The following PTPRM variants were observed in gnomAD, a reference collection of about 807,000 sequenced individuals.
PTPRM encodes the protein protein tyrosine phosphatase receptor type M, also known as receptor-type tyrosine-protein phosphatase mu.
PTPRM carries 47 observed loss-of-function variants against 186.7 expected under a neutral mutation model. The ratio of observed to expected loss-of-function variants is 0.25; its 90% CI spans 0.20 to 0.32. The LOEUF (loss-of-function observed/expected upper bound fraction) is 0.32, where lower values mean the gene tolerates loss of function less well. Ranked by LOEUF, PTPRM falls within the 10% of genes least tolerant of loss-of-function variation. The probability of loss-of-function intolerance (pLI) is 1.00; values close to 1 mark genes in which losing one functional copy is unlikely to be tolerated. For missense variants in PTPRM, 1,494 were observed against 1,865.0 expected (o/e 0.80, Z 3.66); for synonymous variants, 668 against 674.9 (o/e 0.99, Z 0.16).
At chr18:7,606,909 G>A (rs770937333) in intron 1 of PTPRM, among the ~76,000 whole-genome samples, 4 of 152,104 alleles carry the variant, frequency 2.6e-5, no homozygotes, top group Non-Finnish European at 5.9e-5. Flanking sequence ...CTTGGCCATG[G>A]ATTTTCTACC....
chr18:8,328,381 AC>A (rs925103703), intron 22 of PTPRM, among the ~76,000 whole-genome samples: 3 of 152,212 alleles, frequency 2.0e-5, no homozygotes, highest in African/African-American at 7.2e-5. Flanking sequence ...AATTGAAAGA[AC>A]TTTTTTTTAA....
At position 8,004,305 on chromosome 18, in the gene PTPRM, T is replaced by C. The variant is rs543568698; in HGVS notation, c.1132+48891T>C. ...ACTGTAATTTTGCAATTCGTGGATCTAGCCTATGTTTTTATGTAAATTGTG... is the reference window on the plus strand; with the variant it reads ...ACTGTAATTTTGCAATTCGTGGATCCAGCCTATGTTTTTATGTAAATTGTG... On this transcript the variant is annotated intron_variant, in intron 7 of 32. Transcript: ENST00000580170. Among the ~76,000 whole-genome samples the C allele has an allele frequency of 2.0e-4, 30 of 152,304 alleles. No individual in the cohort carries two copies. In the South Asian group the frequency reaches 3.5e-3, roughly 18 times the overall value.
intron 2 of PTPRM, among the ~76,000 whole-genome samples, chr18:7,823,889 G>A (rs895137841): frequency 2.0e-5 from 3 of 152,032 alleles, no homozygotes; most frequent in Non-Finnish European, 4.4e-5. Flanking sequence ...CCCTTCATCT[G>A]TACATCTATC....
intron 1 of PTPRM, among the ~76,000 whole-genome samples, chr18:7,580,207 A>G (rs928340192): frequency 3.3e-5 from 5 of 152,224 alleles, no homozygotes; most frequent in African/African-American, 1.2e-4. Flanking sequence ...GTCAGATGGC[A>G]CAGCAAAAGA....
chr18:7,579,316 A>G (rs141157383), intron 1 of PTPRM, among the ~76,000 whole-genome samples: 120 of 152,304 alleles, frequency 7.9e-4, no homozygotes, highest in Middle Eastern at 3.4e-3. Flanking sequence ...GAAATACCTC[A>G]TATGATTTTG....
chr18:7,762,055 T>C (rs568267839), intron 1 of PTPRM, among the ~76,000 whole-genome samples: 3 of 152,156 alleles, frequency 2.0e-5, no homozygotes, highest in Non-Finnish European at 4.4e-5. Context: ...GGCAAACACC[T>C]TTCCAGGACT....
intron 1 of PTPRM, among the ~76,000 whole-genome samples, chr18:7,584,183 T>C (rs1354958451): frequency 1.3e-5 from 2 of 152,206 alleles, no homozygotes; most frequent in African/African-American, 4.8e-5. Context: ...TAAGTGAGTA[T>C]CGAGAATATT....
intron 14 of PTPRM, among the ~76,000 whole-genome samples, chr18:8,158,749 A>G (rs963265232): frequency 1.3e-5 from 2 of 152,192 alleles, no homozygotes; most frequent in Non-Finnish European, 2.9e-5. Context: ...GAAGCTTCCA[A>G]TCATGGAGGA....
intron 6 of PTPRM, among the ~76,000 whole-genome samples, chr18:7,950,962 T>A (rs75032016): frequency 0.022 from 3,280 of 152,250 alleles, 46 homozygotes; most frequent in African/African-American, 0.044. Context: ...ACACGTAGCT[T>A]ATGGGGGACA....
intron 25 of PTPRM, 74 bp from the exon 26 acceptor site, chr18:8,376,388 G>T: frequency 1.9e-6 from 3 of 1,600,332 alleles, no homozygotes; most frequent in East Asian, 2.2e-5. Context: ...ATTTCACCTC[G>T]ATAAAAAATT....
chr18:8,224,155 T>C (rs2094186168), intron 14 of PTPRM, among the ~76,000 whole-genome samples: 1 of 152,226 alleles, frequency 6.6e-6, no homozygotes, highest in African/African-American at 2.4e-5. Context: ...GCTAATTAGT[T>C]AGAGAAAGAT....
At chr18:7,657,803 C>G (rs1474221997) in intron 1 of PTPRM, among the ~76,000 whole-genome samples, 1 of 152,188 alleles carries the variant, frequency 6.6e-6, no homozygotes, top group African/African-American at 2.4e-5. Flanking sequence ...CCTTGTTTAT[C>G]AAGAAGTCTC....
intron 9 of PTPRM, among the ~76,000 whole-genome samples, chr18:8,078,257 C>T (rs1397280570): frequency 1.3e-5 from 2 of 152,134 alleles, no homozygotes; most frequent in African/African-American, 4.8e-5. Context: ...CTGAAATGCA[C>T]CTGTGAGCTA....
Position 7,880,758 on chromosome 18 carries a change from G to A in PTPRM, c.197-7348G>A, listed in dbSNP as rs376950035. On this transcript the variant is annotated intron_variant, in intron 2 of 32. Transcript: ENST00000580170. ...TCTGGAGACATATTCTTTAGGAGCT[G>A]TGTCAGTACTGACTGAGGGAGTTGG... is the stretch of plus-strand genomic sequence containing the variant. Among the ~76,000 whole-genome samples, 408 of 152,306 alleles carry A rather than the reference G, an allele frequency of 2.7e-3. 5 individuals are homozygous for A. Among genetic ancestry groups the A allele is most frequent in the Middle Eastern group, 0.02 (6 of 294 alleles).
intron 5 of PTPRM, among the ~76,000 whole-genome samples, chr18:7,947,505 A>G (rs767832322): frequency 1.3e-5 from 2 of 152,234 alleles, no homozygotes; most frequent in Non-Finnish European, 2.9e-5. Context: ...TTTGTAGGCT[A>G]GCATTTTCAT....
intron 1 of PTPRM, among the ~76,000 whole-genome samples, chr18:7,665,877 G>T (rs947829368): frequency 6.6e-6 from 1 of 151,906 alleles, no homozygotes; most frequent in East Asian, 1.9e-4. Flanking sequence ...AGTTGGGATC[G>T]CGCCACTGCA....
At chr18:7,820,819 C>T (rs550917471) in intron 2 of PTPRM, among the ~76,000 whole-genome samples, 2 of 152,204 alleles carry the variant, frequency 1.3e-5, no homozygotes, top group Non-Finnish European at 2.9e-5. Flanking sequence ...CTTCACAGCA[C>T]AGAGACCAAA....
At chr18:7,686,451 A>T (rs1415177510) in intron 1 of PTPRM, among the ~76,000 whole-genome samples, 2 of 151,874 alleles carry the variant, frequency 1.3e-5, no homozygotes, top group Non-Finnish European at 2.9e-5. Flanking sequence ...ACCCCAAAGC[A>T]CTCCTCCCAG....
At chr18:8,267,668 A>C (rs2094717883) in intron 19 of PTPRM, among the ~76,000 whole-genome samples, 1 of 152,180 alleles carries the variant, frequency 6.6e-6, no homozygotes, top group Admixed American at 6.5e-5. Flanking sequence ...TACTAGTTCG[A>C]AGTATATAAA....
Sources: gnomAD v4.1 joint callset for allele counts (sites outside exome capture counted in the v4.1 genomes callset) on GRCh38, gnomAD v4.1.1 for gene constraint, MANE v1.5 for transcripts, NCBI Gene and HGNC (gene_info 2026-07-23, HGNC 2026-07-21) for gene names.